The following MINAR2 variants were observed in gnomAD, a reference collection of about 807,000 sequenced individuals.
MINAR2 encodes the protein major intrinsically disordered NOTCH2-binding receptor 1-like.
MINAR2 carries 21 observed loss-of-function variants against 16.1 expected under a neutral mutation model. The ratio of observed to expected loss-of-function variants is 1.31; its 90% CI spans 0.93 to 1.88. The LOEUF (loss-of-function observed/expected upper bound fraction) is 1.88. Ranked by LOEUF, MINAR2 falls within the 40% of genes most tolerant of loss-of-function variation. MINAR2 has a pLI of 0.00. For synonymous variants in MINAR2, 86 were observed against 83.0 expected, an observed-to-expected ratio of 1.04 and a Z score of -0.20; for missense variants, 259 against 229.8, an observed-to-expected ratio of 1.13 and a Z score of -0.82.
intron 2 of MINAR2, among the ~76,000 whole-genome samples, chr5:129,761,270 G>A (rs1224370418): frequency 1.3e-5 from 2 of 152,174 alleles, no homozygotes; most frequent in African/African-American, 4.8e-5. Flanking sequence ...CAAGGAAGCA[G>A]CCCTCTGTTT....
At chr5:129,763,351 T>C (rs1758162924) in intron 2 of MINAR2, among the ~76,000 whole-genome samples, 1 of 152,216 alleles carries the variant, frequency 6.6e-6, no homozygotes, top group Admixed American at 6.5e-5. Context: ...CCCTTGTCTA[T>C]ATCTCATAGA....
intron 1 of MINAR2, among the ~76,000 whole-genome samples, chr5:129,752,145 A>G (rs1757992877): frequency 3.3e-5 from 5 of 152,230 alleles, no homozygotes; most frequent in South Asian, 2.1e-4. Flanking sequence ...TAGTTCAACC[A>G]TTGTGGAAGA....
At chr5:129,751,264 A>C (rs1757981365) in intron 1 of MINAR2, among the ~76,000 whole-genome samples, 1 of 151,938 alleles carries the variant, frequency 6.6e-6, no homozygotes, top group Admixed American at 6.6e-5. Flanking sequence ...GCTGGAGTGC[A>C]GTGGCACAAT....
intron 1 of MINAR2, among the ~76,000 whole-genome samples, chr5:129,751,847 G>C (rs1297412113): frequency 1.2e-4 from 19 of 152,058 alleles, no homozygotes; most frequent in Admixed American, 1.2e-3. Flanking sequence ...AAAAAAGGCT[G>C]ATTTTTTTAA....
intron 1 of MINAR2, among the ~76,000 whole-genome samples, chr5:129,756,330 T>TC (rs1235703383): frequency 6.7e-5 from 10 of 149,886 alleles, no homozygotes; most frequent in African/African-American, 2.4e-4. Flanking sequence ...TTCTTTATTC[T>TC]TTTTTTTTTC....
chr5:129,749,568 T>A (rs1465644557), intron 1 of MINAR2, among the ~76,000 whole-genome samples: 2 of 152,178 alleles, frequency 1.3e-5, no homozygotes, highest in African/African-American at 4.8e-5. Context: ...TTGTAGGCGT[T>A]CTTTTTTTAA....
chr5:129,748,479 C>T (rs1388456819), intron 1 of MINAR2, 124 bp downstream of exon 1: 1 of 922,288 alleles, frequency 1.1e-6, no homozygotes, highest in Admixed American at 3.2e-5. Flanking sequence ...CTCTGTCTTC[C>T]AACTTAGTCT....
In MINAR2 at chr5:129,748,353, C is replaced by A; in HGVS notation, c.163C>A (p.Gln55Lys). 6.5e-7 allele frequency: 1 copy of A among 1,534,680 alleles called. No homozygotes were observed. The highest frequency in any genetic ancestry group is 1.2e-5 in the South Asian group (1 of 83,966). The part of the protein sequence containing the change: ...AQHWQNLVYS[Q>K]REKKNIAAQR... ...ACACTGGCAAAACCTTGTCTACTCA[C>A]AGGTAAGATCTAGGGGCACAAAAAT... is the stretch of plus-strand genomic sequence containing the variant. The change falls in exon 1 of 3, where the codon CAG becomes AAG. Residue 55 changes from glutamine to lysine, a missense_variant and splice_region_variant. Gln to Lys is a moderately conservative substitution (Grantham distance 53). Transcript: ENST00000564719.
intron 1 of MINAR2, among the ~76,000 whole-genome samples, chr5:129,757,410 C>A (rs928161218): frequency 6.6e-6 from 1 of 151,876 alleles, no homozygotes; most frequent in Non-Finnish European, 1.5e-5. Flanking sequence ...TACTCTAATT[C>A]TTTCTGAATC....
intron 1 of MINAR2, among the ~76,000 whole-genome samples, chr5:129,759,652 AC>A (rs1758101778): frequency 6.6e-6 from 1 of 152,110 alleles, no homozygotes; most frequent in African/African-American, 2.4e-5. Context: ...AGGGAGGGTG[AC>A]TGGAAAGGAG....
intron 1 of MINAR2, among the ~76,000 whole-genome samples, chr5:129,757,846 C>T (rs1399036884): frequency 1.3e-5 from 2 of 151,852 alleles, no homozygotes; most frequent in East Asian, 3.9e-4. Flanking sequence ...CATGGATTCA[C>T]ACACACATTT....
chr5:129,758,778 T>C (rs1208065508), intron 1 of MINAR2, among the ~76,000 whole-genome samples: 1 of 152,038 alleles, frequency 6.6e-6, no homozygotes, highest in Non-Finnish European at 1.5e-5. Context: ...TATGCTAAGC[T>C]CATATCATTT....
At position 129,753,678 on chromosome 5, in the gene MINAR2, G is replaced by C. The variant is rs1311803069; in HGVS notation, c.165+5323G>C. 2.0e-5 allele frequency among the ~76,000 whole-genome samples: 3 copies of C among 151,726 alleles called. No individual in the cohort carries two copies. In the East Asian group the frequency reaches 5.8e-4, roughly 29 times the overall value. ...TGAGGCAGGACAATCGCTTGAACCGGGGAGGTGGAGATTGCAGTGAGCTGA... is the reference window on the plus strand; with the variant it reads ...TGAGGCAGGACAATCGCTTGAACCGCGGAGGTGGAGATTGCAGTGAGCTGA... On this transcript the variant is annotated intron_variant, in intron 1 of 2. Coordinates refer to ENST00000564719, the MANE Select transcript of MINAR2 (RefSeq NM_001257308.2).
In MINAR2 at chr5:129,766,416, T is replaced by C. The variant is rs982023494; in HGVS notation, c.*1353T>C. The C allele has an allele frequency of 1.3e-5, 2 of 151,998 alleles. No homozygotes were observed. Among genetic ancestry groups the C allele is most frequent in the African/African-American group, 4.8e-5 (2 of 41,346 alleles). 9.4% of individuals were successfully genotyped at this position (151,998 alleles called of 1,614,324 possible). On this transcript the variant is annotated 3_prime_UTR_variant, in exon 3 of 3. Transcript: ENST00000564719. ...ACTTTGGGAGGCTGAGGTGGGTGGA[T>C]CATGAGGTCAGGAGTTCGAGACCAG...
At position 129,765,948 on chromosome 5, in the gene MINAR2, G is replaced by T; in HGVS notation, c.*885G>T. 1 of 152,194 alleles carries T rather than the reference G, an allele frequency of 6.6e-6. No individual in the cohort carries two copies. The highest frequency in any genetic ancestry group is 6.5e-5 in the Admixed American group (1 of 15,270). 9.4% of individuals were successfully genotyped at this position (152,194 alleles called of 1,614,324 possible). The stretch of plus-strand genomic sequence containing the variant: ...GGAATGATATTACCTGCCCAACAGG[G>T]CTGGCCAAAGGACCAAATACAAAAC... On this transcript the variant is annotated 3_prime_UTR_variant, in exon 3 of 3. Transcript: ENST00000564719.
rs1757939307 is a variant in MINAR2 at position 129,748,157 on chromosome 5, C to A, written c.-34C>A. The A allele has an allele frequency of 3.3e-6, 5 of 1,528,764 alleles. No homozygotes were observed. The East Asian group carries it at 1.2e-4, about 37-fold the overall frequency. 94.7% of individuals were successfully genotyped at this position (1,528,764 alleles called of 1,614,324 possible). On this transcript the variant is annotated 5_prime_UTR_variant, in exon 1 of 3. The change creates a new upstream start codon in the 5' untranslated region. Coordinates refer to ENST00000564719, the MANE Select transcript of MINAR2 (RefSeq NM_001257308.2). ...AGGAGTCTGACAAGAGCAGCTTTGC[C>A]TGTCTTTGTTTTCCACTGTAGGTGA...
At chr5:129,753,671 T>C (rs760442222) in intron 1 of MINAR2, among the ~76,000 whole-genome samples, 1 of 151,718 alleles carries the variant, frequency 6.6e-6, no homozygotes, top group Non-Finnish European at 1.5e-5. Context: ...GACAATCGCT[T>C]GAACCGGGGA....
At position 129,748,229 on chromosome 5, in the gene MINAR2, C is replaced by A. The variant is rs1214348988; in HGVS notation, c.39C>A (p.Asp13Glu). 3 of 1,535,198 alleles carry A rather than the reference C, an allele frequency of 2.0e-6. No homozygotes were observed. Among genetic ancestry groups the A allele is most frequent in the South Asian group, 1.2e-5 (1 of 84,036 alleles). The change falls in exon 1 of 3, where the codon GAC becomes GAA. Residue 13 changes from aspartate to glutamate, a missense_variant. Coordinates refer to ENST00000564719, the MANE Select transcript of MINAR2 (RefSeq NM_001257308.2). ...TTTTGCCAAATAACAACCATCCTGA[C>A]AAATTCCTGCAGCTTGACGTAAAGT... ...LSVLPNNNHPDKFLQLDVKSL... is the reference protein window; with the variant it reads ...LSVLPNNNHPEKFLQLDVKSL...
intron 2 of MINAR2, among the ~76,000 whole-genome samples, chr5:129,763,191 A>G (rs1758160677): frequency 6.6e-6 from 1 of 152,170 alleles, no homozygotes; most frequent in Non-Finnish European, 1.5e-5. Context: ...CTCTCCCTAA[A>G]GCAGTGGACT....
Sources: allele counts gnomAD v4.1 joint callset (sites outside exome capture counted in the v4.1 genomes callset), GRCh38; gene constraint gnomAD v4.1.1; transcripts MANE v1.5; gene names NCBI Gene and HGNC (gene_info 2026-07-23, HGNC 2026-07-21).